The following PHF21B variants were observed in gnomAD, a reference collection of about 807,000 sequenced individuals.
PHF21B encodes the protein PHD finger protein 4.
PHF21B carries 22 observed loss-of-function variants against 62.2 expected under a neutral mutation model. That is an observed-to-expected ratio of 0.35 (90% CI 0.25 to 0.51). The LOEUF (loss-of-function observed/expected upper bound fraction) is 0.51. PHF21B is among the 20% of genes least tolerant of loss of function. The probability of loss-of-function intolerance (pLI) is 0.97; values close to 1 mark genes in which losing one functional copy is unlikely to be tolerated. For missense variants in PHF21B, 701 were observed against 707.9 expected, an observed-to-expected ratio of 0.99 and a Z score of 0.11; for synonymous variants, 341 against 314.7, an observed-to-expected ratio of 1.08 and a Z score of -0.88.
intron 12 of PHF21B, among the ~76,000 whole-genome samples, chr22:44,884,686 T>C (rs5766155): frequency 2.4e-4 from 34 of 143,874 alleles, no homozygotes; most frequent in South Asian, 6.8e-4. Context: ...ATCATCACCA[T>C]CATCATTACA....
At chr22:44,894,057 T>C (rs1310565074) in intron 6 of PHF21B, among the ~76,000 whole-genome samples, 1 of 152,182 alleles carries the variant, frequency 6.6e-6, no homozygotes, top group Admixed American at 6.5e-5. Flanking sequence ...TTTCTTTGCT[T>C]TGACCCCCAG....
chr22:44,968,077 C>A (rs555371879), intron 2 of PHF21B, among the ~76,000 whole-genome samples: 1 of 152,212 alleles, frequency 6.6e-6, no homozygotes, highest in East Asian at 1.9e-4. Context: ...GACTGTCAGG[C>A]GTCTTCAGAG....
chr22:44,895,536 G>T (rs1190542695), intron 6 of PHF21B, among the ~76,000 whole-genome samples: 3 of 152,094 alleles, frequency 2.0e-5, no homozygotes, highest in African/African-American at 7.2e-5. Flanking sequence ...CACTGTGCTG[G>T]GCACTGCTTC....
At chr22:44,895,776 T>A (rs148966430) in intron 6 of PHF21B, among the ~76,000 whole-genome samples, 323 of 152,236 alleles carry the variant, frequency 2.1e-3, no homozygotes, top group Non-Finnish European at 3.8e-3. Flanking sequence ...CTGGAAGGCT[T>A]CTCTGTCTTG....
At chr22:44,993,505 G>C (rs540168708) in intron 2 of PHF21B, among the ~76,000 whole-genome samples, 1 of 152,212 alleles carries the variant, frequency 6.6e-6, no homozygotes, top group Admixed American at 6.5e-5. Context: ...CCGGTCAACC[G>C]GAGAACAGGC....
chr22:45,000,509 A>C lies in PHF21B; in HGVS notation c.120+8036T>G, dbSNP rs542765686. ...TTGGAGGAAAAACTTGGTAAATCAC[A>C]AGGCTAATCATCATAGCCAGCAGCT... On this transcript the variant is annotated intron_variant, in intron 2 of 12. Coordinates refer to ENST00000313237, the MANE Select transcript of PHF21B (RefSeq NM_138415.5). 4 of 152,340 alleles carry C rather than the reference A, an allele frequency of 2.6e-5. No individual in the cohort carries two copies. The East Asian group carries it at 7.7e-4, about 29-fold the overall frequency. 9.4% of individuals were successfully genotyped at this position (152,340 alleles called of 1,614,324 possible).
At chr22:44,985,919 CATCAGCACCACCACCACT>C (rs1183225148) in intron 2 of PHF21B, among the ~76,000 whole-genome samples, 5 of 150,746 alleles carry the variant, frequency 3.3e-5, no homozygotes, top group Non-Finnish European at 7.4e-5. Flanking sequence ...CCACCATCAC[CATCAGCACCACCACCACT>C]ACCATCACCA....
chr22:44,889,398 C>T (rs2147251489), intron 9 of PHF21B, among the ~76,000 whole-genome samples: 1 of 152,278 alleles, frequency 6.6e-6, no homozygotes, highest in African/African-American at 2.4e-5. Context: ...CCAGGGAGGG[C>T]CAGCTCTGCC....
intron 2 of PHF21B, among the ~76,000 whole-genome samples, chr22:44,969,870 T>G (rs1196280423): frequency 6.6e-6 from 1 of 152,078 alleles, no homozygotes; most frequent in Non-Finnish European, 1.5e-5. Context: ...AACAGAGAGG[T>G]TAAGTAACTG....
At chr22:44,989,907 G>C (rs1159290094) in intron 2 of PHF21B, among the ~76,000 whole-genome samples, 1 of 152,238 alleles carries the variant, frequency 6.6e-6, no homozygotes, top group Non-Finnish European at 1.5e-5. Context: ...ACCATGCCCA[G>C]CCGTGAGCTA....
In PHF21B at chr22:45,009,591, G is replaced by A. The variant is rs764806219; in HGVS notation, c.-42C>T. On this transcript the variant is annotated 5_prime_UTR_variant, in exon 1 of 13. Transcript: ENST00000313237. The surrounding 1 kb of genome is among the most constrained non-coding windows in gnomAD (Gnocchi z 5.9). ...GCACTTTGCGCTCACTTTGGCCCGG[G>A]CTCCCGGGAAGTTGCGCGGCTCCGC... 2.0e-6 allele frequency: 3 copies of A among 1,520,534 alleles called. No homozygotes were observed. The highest frequency in any genetic ancestry group is 2.6e-5 in the East Asian group (1 of 38,562). The allele number at this position is 1,520,534 out of a possible 1,614,324, so 94.2% of individuals were successfully genotyped here. A position where few individuals can be genotyped will look rare whatever the true frequency, so the allele number is the denominator to read the frequency against.
chr22:44,949,849 A>AT (rs35648571), intron 2 of PHF21B, among the ~76,000 whole-genome samples: 18,743 of 152,106 alleles, frequency 0.12, 1,281 homozygotes, highest in Middle Eastern at 0.27. Context: ...AGTTCAGGTG[A>AT]TTTTTTCGGC....
chr22:44,998,978 C>A (rs1413988466), intron 2 of PHF21B, among the ~76,000 whole-genome samples: 1 of 151,996 alleles, frequency 6.6e-6, no homozygotes, highest in African/African-American at 2.4e-5. Flanking sequence ...CAACCCTGAG[C>A]AAAAAAATAA....
intron 4 of PHF21B, among the ~76,000 whole-genome samples, chr22:44,914,583 C>T (rs1050328091): frequency 6.6e-6 from 1 of 152,246 alleles, no homozygotes; most frequent in African/African-American, 2.4e-5. Context: ...CCCCTCAGGT[C>T]AGCCTGGCTC....
chr22:45,005,889 C>T (rs2073305753), intron 2 of PHF21B, among the ~76,000 whole-genome samples: 1 of 152,132 alleles, frequency 6.6e-6, no homozygotes, highest in African/African-American at 2.4e-5. Context: ...TTTTCACCTC[C>T]ACTCCCCCAT....
At chr22:44,949,737 G>A (rs1346997692) in intron 2 of PHF21B, among the ~76,000 whole-genome samples, 3 of 152,122 alleles carry the variant, frequency 2.0e-5, no homozygotes, top group African/African-American at 7.2e-5. Flanking sequence ...TGTGTGTACC[G>A]CGTCCATCTC....
In PHF21B at chr22:44,954,427, G is replaced by C. The variant is rs1383051642; in HGVS notation, c.121-33937C>G. On this transcript the variant is annotated intron_variant, in intron 2 of 12. Transcript: ENST00000313237. The stretch of plus-strand genomic sequence containing the variant: ...ACCTGGTGCCCAATGCCACATCTGA[G>C]GAATTCATTCCATAAACAGCTACAG... 3.3e-5 allele frequency among the ~76,000 whole-genome samples: 5 copies of C among 152,266 alleles called. No individual in the cohort carries two copies. The East Asian group carries it at 7.8e-4, about 24-fold the overall frequency.
chr22:44,946,017 G>A (rs1303845873), intron 2 of PHF21B, among the ~76,000 whole-genome samples: 1 of 152,178 alleles, frequency 6.6e-6, no homozygotes, highest in East Asian at 1.9e-4. Flanking sequence ...AGTTCCTACA[G>A]TGTGCCAAGC....
intron 2 of PHF21B, among the ~76,000 whole-genome samples, chr22:44,993,240 G>A (rs921773115): frequency 6.6e-6 from 1 of 152,290 alleles, no homozygotes; most frequent in South Asian, 2.1e-4. Context: ...ACAACACAGA[G>A]ACACTGAGCC....
Sources: gnomAD v4.1 joint callset for allele counts (sites outside exome capture counted in the v4.1 genomes callset) on GRCh38, gnomAD v4.1.1 for gene constraint, Gnocchi (gnomAD v3.1) non-coding constraint, MANE v1.5 for transcripts, NCBI Gene and HGNC (gene_info 2026-07-23, HGNC 2026-07-21) for gene names.